Variants in CRLF3 observed in about 807,000 individuals in gnomAD.
CRLF3 encodes the protein cytokine receptor-like factor 3.
Under a neutral mutation model 55.0 loss-of-function variants are expected in CRLF3, and 33 were observed. The ratio of observed to expected loss-of-function variants is 0.60; its 90% CI spans 0.46 to 0.80. The LOEUF (loss-of-function observed/expected upper bound fraction) is 0.80, where lower values mean the gene tolerates loss of function less well. CRLF3 is among the 30% of genes least tolerant of loss of function. CRLF3 has a pLI of 0.00. For synonymous variants in CRLF3, 238 were observed against 196.8 expected (o/e 1.21, Z -1.75); for missense variants, 494 against 538.4 (o/e 0.92, Z 0.82).
At chr17:30,793,132 G>T (rs1381338123) in intron 5 of CRLF3, among the ~76,000 whole-genome samples, 2 of 151,566 alleles carry the variant, frequency 1.3e-5, no homozygotes, top group Non-Finnish European at 2.9e-5. Context: ...GTGAGACCTT[G>T]TCTCAAAAAA....
chr17:30,783,189 A>G lies in CRLF3; in HGVS notation c.*998T>C, dbSNP rs1265926600. 1 of 152,254 alleles carries G rather than the reference A, an allele frequency of 6.6e-6. No homozygotes were observed. The highest frequency in any genetic ancestry group is 1.5e-5 in the Non-Finnish European group (1 of 68,046). 9.4% of individuals were successfully genotyped at this position (152,254 alleles called of 1,614,324 possible). ...ATATTACATACATATGAAATGGCTA[A>G]CACTGCTGTGCATACTACTGCCATA... On this transcript the variant is annotated 3_prime_UTR_variant, in exon 8 of 8. Coordinates refer to ENST00000324238, the MANE Select transcript of CRLF3 (RefSeq NM_015986.4).
Position 30,816,303 on chromosome 17 carries a change from C to G in CRLF3, c.129+8220G>C, listed in dbSNP as rs1006765840. On this transcript the variant is annotated intron_variant, in intron 1 of 7. Transcript: ENST00000324238. ...TCTCAAAAAAAAAAAAAAAAGACAACTTGTAAAAAGATTTATTGGTGAAAA... is the reference window on the plus strand; with the variant it reads ...TCTCAAAAAAAAAAAAAAAAGACAAGTTGTAAAAAGATTTATTGGTGAAAA... Among the ~76,000 whole-genome samples, 10 of 149,354 alleles carry G rather than the reference C, an allele frequency of 6.7e-5. No homozygotes were observed. In the East Asian group the frequency reaches 1.9e-3, roughly 29 times the overall value.
intron 1 of CRLF3, among the ~76,000 whole-genome samples, chr17:30,808,742 G>A (rs1384494667): frequency 1.3e-5 from 2 of 151,870 alleles, no homozygotes; most frequent in African/African-American, 2.4e-5. Flanking sequence ...ACAGGCATGC[G>A]CCACCAAGCC....
At chr17:30,807,719 G>GA (rs781418073) in intron 1 of CRLF3, among the ~76,000 whole-genome samples, 14 of 151,612 alleles carry the variant, frequency 9.2e-5, no homozygotes, top group Non-Finnish European at 1.3e-4. Context: ...TTTTAGTAGA[G>GA]ACAAAGTTTC....
intron 2 of CRLF3, 47 bp from the exon 3 acceptor site, chr17:30,797,445 T>A (rs1353757180): frequency 3.4e-6 from 5 of 1,474,622 alleles, no homozygotes; most frequent in Non-Finnish European, 4.7e-6. Context: ...TGGTCACATA[T>A]AAAGTAATCA....
chr17:30,805,814 A>G (rs1038913073), intron 1 of CRLF3, among the ~76,000 whole-genome samples: 1 of 152,028 alleles, frequency 6.6e-6, no homozygotes, highest in African/African-American at 2.4e-5. Flanking sequence ...CTTGAGCCCA[A>G]GAGTTTGAAA....
intron 5 of CRLF3, 146 bp downstream of exon 5, chr17:30,793,303 TC>T: frequency 1.7e-6 from 1 of 604,398 alleles, no homozygotes; most frequent in South Asian, 2.5e-5. Context: ...CATGAGGTAA[TC>T]TGAGTAAAAG....
rs1048761063 is a variant in CRLF3, at chr17:30,808,606, ATT to A, written c.130-4500_130-4499del. Among the ~76,000 whole-genome samples, 118 of 136,244 alleles carry A rather than the reference ATT, an allele frequency of 8.7e-4. 2 individuals are homozygous for A. Among genetic ancestry groups the A allele is most frequent in the Middle Eastern group, 5.0e-3 (1 of 200 alleles). The allele number at this position is 136,244 out of a possible 152,430, so 89.4% of individuals were successfully genotyped here. A position where few individuals can be genotyped will look rare whatever the true frequency, so the allele number is the denominator to read the frequency against. Reference sequence around the variant, plus strand: ...CCCAGCCAAACCTGTATATATATATATTTTTTTTTTGAGTCTTGCTCTGTCGC... The same window carrying A: ...CCCAGCCAAACCTGTATATATATATATTTTTTTTGAGTCTTGCTCTGTCGC... On this transcript the variant is annotated intron_variant, in intron 1 of 7. Coordinates refer to ENST00000324238, the MANE Select transcript of CRLF3 (RefSeq NM_015986.4).
At chr17:30,791,928 C>A (rs1340585274) in intron 6 of CRLF3, among the ~76,000 whole-genome samples, 2 of 151,712 alleles carry the variant, frequency 1.3e-5, no homozygotes, top group Non-Finnish European at 2.9e-5. Context: ...CTCACTGCAA[C>A]CTCTGCCTCT....
chr17:30,794,114 G>A (rs555060410), intron 4 of CRLF3, among the ~76,000 whole-genome samples: 4 of 152,216 alleles, frequency 2.6e-5, no homozygotes, highest in South Asian at 2.1e-4. Flanking sequence ...GACTATAGGC[G>A]TGAGACACTG....
chr17:30,786,289 A>T, intron 6 of CRLF3: 1 of 293,700 alleles, frequency 3.4e-6, no homozygotes, highest in Non-Finnish European at 6.3e-6. Context: ...ACCCAGGCTG[A>T]AGTGCGGTGG....
intron 1 of CRLF3, among the ~76,000 whole-genome samples, chr17:30,817,578 C>A (rs895584379): frequency 3.3e-5 from 5 of 152,070 alleles, no homozygotes; most frequent in Non-Finnish European, 7.3e-5. Context: ...AGTCTCTCAA[C>A]TTTGCAGAAT....
intron 2 of CRLF3, chr17:30,801,369 C>CT (rs1207476977): frequency 6.7e-6 from 1 of 148,150 alleles, no homozygotes; most frequent in Admixed American, 6.7e-5. Context: ...TCAAGTGATC[C>CT]ACCCGCCTCA....
intron 1 of CRLF3, among the ~76,000 whole-genome samples, chr17:30,811,791 G>A (rs1271883349): frequency 6.1e-5 from 7 of 114,286 alleles, no homozygotes; most frequent in Non-Finnish European, 1.0e-4. Flanking sequence ...GGGACAGCAC[G>A]AGACTCTGTC....
intron 5 of CRLF3, 66 bp from the exon 6 acceptor site, chr17:30,792,638 G>C: frequency 7.0e-7 from 1 of 1,428,288 alleles, no homozygotes; most frequent in Non-Finnish European, 9.6e-7. Context: ...ATACAGACAC[G>C]TTAAATAAAA....
intron 2 of CRLF3, 66 bp from the exon 3 acceptor site, chr17:30,797,464 C>G: frequency 7.6e-7 from 1 of 1,311,032 alleles, no homozygotes; most frequent in South Asian, 1.2e-5. Flanking sequence ...CAACACAACT[C>G]ATGTCTGGGT....
intron 1 of CRLF3, among the ~76,000 whole-genome samples, chr17:30,808,272 C>T (rs1256509787): frequency 7.3e-6 from 1 of 137,502 alleles, no homozygotes; most frequent in Non-Finnish European, 1.5e-5. Context: ...TCCCCTAGAA[C>T]CTATATTTTT....
chr17:30,822,166 C>T (rs1266380399), intron 1 of CRLF3, among the ~76,000 whole-genome samples: 1 of 151,986 alleles, frequency 6.6e-6, no homozygotes, highest in East Asian at 1.9e-4. Flanking sequence ...CTCTGCTCTT[C>T]TCATGCTTCT....
rs1488898574 is a variant in CRLF3 at position 30,782,863 on chromosome 17, TATC to T, written c.*1321_*1323del. ...CCCCAAATAAATTATCTTACAAAAA[TATC>T]ATACTTGCTTTTCTACTTTTTTACT... On this transcript the variant is annotated 3_prime_UTR_variant, in exon 8 of 8. Coordinates refer to ENST00000324238, the MANE Select transcript of CRLF3 (RefSeq NM_015986.4). 7.2e-5 allele frequency: 11 copies of T among 151,958 alleles called. No homozygotes were observed. The highest frequency in any genetic ancestry group is 6.6e-5 in the Admixed American group (1 of 15,228). 9.4% of individuals were successfully genotyped at this position (151,958 alleles called of 1,614,324 possible). A position where few individuals can be genotyped will look rare whatever the true frequency, so the allele number is the denominator to read the frequency against.
Sources: gnomAD v4.1 joint callset for allele counts (sites outside exome capture counted in the v4.1 genomes callset) on GRCh38, gnomAD v4.1.1 for gene constraint, MANE v1.5 for transcripts, NCBI Gene and HGNC (gene_info 2026-07-23, HGNC 2026-07-21) for gene names.